Variants in STXBP5L observed in about 807,000 individuals in gnomAD.
STXBP5L encodes the protein syntaxin binding protein 5L.
STXBP5L carries 65 observed loss-of-function variants against 144.5 expected under a neutral mutation model. That is an observed-to-expected ratio of 0.45 (90% CI 0.37 to 0.55). STXBP5L has a LOEUF of 0.55. Among genes scored for constraint, STXBP5L ranks in the 20% least tolerant of loss-of-function variants. STXBP5L has a pLI of 0.00. For synonymous variants in STXBP5L, 505 were observed against 469.6 expected, an observed-to-expected ratio of 1.08 and a Z score of -0.97; for missense variants, 1,298 against 1,405.5, an observed-to-expected ratio of 0.92 and a Z score of 1.22.
At chr3:121,186,969 C>A (rs2047408747) in intron 9 of STXBP5L, among the ~76,000 whole-genome samples, 1 of 152,142 alleles carries the variant, frequency 6.6e-6, no homozygotes. Context: ...GTTGGTGGGA[C>A]TGTAAACTAG....
At chr3:121,145,664 T>C (rs901322338) in intron 7 of STXBP5L, among the ~76,000 whole-genome samples, 3 of 152,122 alleles carry the variant, frequency 2.0e-5, no homozygotes, top group African/African-American at 7.2e-5. Context: ...TTTATAAAAA[T>C]AATAATGACT....
At chr3:121,308,104 G>A (rs541306514) in intron 19 of STXBP5L, among the ~76,000 whole-genome samples, 1 of 152,298 alleles carries the variant, frequency 6.6e-6, no homozygotes, top group South Asian at 2.1e-4. Context: ...GGGGCCTGTT[G>A]TTGGAGCAGG....
chr3:121,086,965 T>C (rs1457291651), intron 5 of STXBP5L, among the ~76,000 whole-genome samples: 4 of 152,082 alleles, frequency 2.6e-5, no homozygotes, highest in Non-Finnish European at 5.9e-5. Context: ...GAAGTGTTTT[T>C]CTTATTTCCA....
At chr3:121,358,396 C>T (rs1440619370) in intron 20 of STXBP5L, among the ~76,000 whole-genome samples, 1 of 152,094 alleles carries the variant, frequency 6.6e-6, no homozygotes, top group African/African-American at 2.4e-5. Flanking sequence ...CTGGGGAGGC[C>T]TCAGAAAACT....
At chr3:121,048,679 A>T (rs1576772331) in intron 5 of STXBP5L, among the ~76,000 whole-genome samples, 1 of 145,928 alleles carries the variant, frequency 6.9e-6, no homozygotes, top group Admixed American at 7.2e-5. Context: ...CTATCAGATC[A>T]GTTAGAGTCT....
At chr3:121,152,680 G>A in intron 8 of STXBP5L, 120 bp downstream of exon 8, 1 of 613,306 alleles carries the variant, frequency 1.6e-6, no homozygotes, top group Non-Finnish European at 2.7e-6. Context: ...TTCTGACCCA[G>A]TGCTTCACAC....
intron 22 of STXBP5L, among the ~76,000 whole-genome samples, chr3:121,387,920 T>G (rs970102698): frequency 6.6e-6 from 1 of 152,214 alleles, no homozygotes; most frequent in Non-Finnish European, 1.5e-5. Flanking sequence ...TTAAAGTAGT[T>G]TTTTCCAATT....
intron 3 of STXBP5L, among the ~76,000 whole-genome samples, chr3:120,984,687 T>C (rs1942131722): frequency 7.0e-6 from 1 of 143,340 alleles, no homozygotes; most frequent in African/African-American, 2.6e-5. Context: ...TTCTAGTAAG[T>C]ACCATGTTGA....
chr3:121,389,501 T>C (rs573134816), intron 22 of STXBP5L, among the ~76,000 whole-genome samples: 33 of 152,354 alleles, frequency 2.2e-4, no homozygotes, highest in African/African-American at 7.9e-4. Context: ...AGATCTTTCC[T>C]GCTTTCTCTT....
At chr3:121,127,323 C>A (rs1392325153) in intron 7 of STXBP5L, among the ~76,000 whole-genome samples, 1 of 151,956 alleles carries the variant, frequency 6.6e-6, no homozygotes, top group Non-Finnish European at 1.5e-5. Flanking sequence ...TAACATATGA[C>A]CACAAAGTGG....
intron 9 of STXBP5L, among the ~76,000 whole-genome samples, chr3:121,164,079 C>A (rs931804238): frequency 6.6e-6 from 1 of 152,100 alleles, no homozygotes; most frequent in African/African-American, 2.4e-5. Flanking sequence ...TCACTCCCCC[C>A]AAAAACCCCA....
intron 5 of STXBP5L, among the ~76,000 whole-genome samples, chr3:121,052,465 C>T (rs1213160228): frequency 1.3e-5 from 2 of 152,064 alleles, no homozygotes; most frequent in Non-Finnish European, 2.9e-5. Flanking sequence ...AAATGTAATC[C>T]AGCATATAAA....
chr3:121,020,169 G>C (rs1409558435), intron 3 of STXBP5L, among the ~76,000 whole-genome samples: 1 of 152,002 alleles, frequency 6.6e-6, no homozygotes, highest in East Asian at 1.9e-4. Context: ...ACAAGTAGAA[G>C]AAAGAACTTC....
intron 7 of STXBP5L, among the ~76,000 whole-genome samples, chr3:121,122,703 G>A (rs915550559): frequency 6.6e-6 from 1 of 151,398 alleles, no homozygotes; most frequent in Non-Finnish European, 1.5e-5. Flanking sequence ...GATACATAAA[G>A]AACCAATGTT....
chr3:121,247,231 G>A (rs1264148681), intron 14 of STXBP5L, among the ~76,000 whole-genome samples: 2 of 152,140 alleles, frequency 1.3e-5, no homozygotes, highest in East Asian at 3.8e-4. Flanking sequence ...TTCACCACTA[G>A]CACAAAAACT....
At chr3:121,056,219 TAATG>T (rs1445975664) in intron 5 of STXBP5L, among the ~76,000 whole-genome samples, 1 of 152,160 alleles carries the variant, frequency 6.6e-6, no homozygotes, top group Non-Finnish European at 1.5e-5. Context: ...ATGATCTGAG[TAATG>T]AATAAAATAA....
intron 19 of STXBP5L, among the ~76,000 whole-genome samples, chr3:121,312,446 C>CTTTTT (rs58989280): frequency 1.3e-3 from 16 of 12,752 alleles, no homozygotes; most frequent in Non-Finnish European, 1.4e-3. Flanking sequence ...GTATGTCAAT[C>CTTTTT]TTTTTTTTTT....
At chr3:121,175,713 A>C (rs1253535841) in intron 9 of STXBP5L, among the ~76,000 whole-genome samples, 1 of 152,134 alleles carries the variant, frequency 6.6e-6, no homozygotes, top group East Asian at 1.9e-4. Flanking sequence ...TTTAAATACA[A>C]GTATATCAAT....
chr3:121,137,208 C>T (rs188501552), intron 7 of STXBP5L, among the ~76,000 whole-genome samples: 30 of 152,158 alleles, frequency 2.0e-4, no homozygotes, highest in Admixed American at 5.9e-4. Flanking sequence ...CAAACCTGCA[C>T]ACGTACCCCT....
Sources: allele counts gnomAD v4.1 joint callset (sites outside exome capture counted in the v4.1 genomes callset), GRCh38; gene constraint gnomAD v4.1.1; transcripts MANE v1.5; gene names NCBI Gene and HGNC (gene_info 2026-07-23, HGNC 2026-07-21).